The following ATP13A4 variants were observed in gnomAD, a reference collection of about 807,000 sequenced individuals.
ATP13A4 encodes ATPase 13A4.
ATP13A4 carries 114 observed loss-of-function variants against 142.5 expected under a neutral mutation model. The observed-to-expected ratio is 0.80, with a 90% CI of 0.69 to 0.93. The LOEUF (loss-of-function observed/expected upper bound fraction) is 0.93. Ranked by LOEUF, ATP13A4 falls within the 40% of genes least tolerant of loss-of-function variation. The pLI, the probability that ATP13A4 is intolerant of heterozygous loss-of-function variation, is 0.00. For missense variants in ATP13A4, 1,392 were observed against 1,454.0 expected, an observed-to-expected ratio of 0.96 and a Z score of 0.69; for synonymous variants, 488 against 514.8, an observed-to-expected ratio of 0.95 and a Z score of 0.70.
rs751196501 is a variant in ATP13A4 at position 193,407,281 on chromosome 3, C to T, written c.3378+32G>A. The T allele has an allele frequency of 5.3e-5, 84 of 1,570,190 alleles. 1 individual carries two copies. The Middle Eastern group carries it at 1.0e-3, about 19-fold the overall frequency. On this transcript the variant is annotated intron_variant, in intron 29 of 29. Coordinates refer to ENST00000342695, the MANE Select transcript of ATP13A4 (RefSeq NM_032279.4). ...CCCTACACACATGCGTGCACACACA[C>T]AAGATCAGCAGCCCAAGATCAGCAC...
At chr3:193,410,696 G>A (rs901204936) in intron 28 of ATP13A4, among the ~76,000 whole-genome samples, 2 of 152,148 alleles carry the variant, frequency 1.3e-5, no homozygotes, top group South Asian at 2.1e-4. Context: ...TCCAGACTGG[G>A]CAACAAAGTG....
Position 193,465,093 on chromosome 3 carries a change from G to A in ATP13A4, c.1308C>T (p.Asp436=), listed in dbSNP as rs764540287. ...PPEEVVRKAL[D]VITIAVPPAL... ...CCGGAGGAACCGCAATTGTGATGAC[G>A]TCAAGGGCTTTCCTCACCACCTCCT... Residue 436 remains aspartate, a synonymous_variant, in exon 12 of 30, where the codon GAC becomes GAT. Transcript: ENST00000342695. The A allele has an allele frequency of 9.3e-6, 15 of 1,614,098 alleles. No homozygotes were observed. The highest frequency in any genetic ancestry group is 4.5e-5 in the East Asian group (2 of 44,884).
At chr3:193,505,118 T>C (rs1720787379) in intron 2 of ATP13A4, among the ~76,000 whole-genome samples, 1 of 152,178 alleles carries the variant, frequency 6.6e-6, no homozygotes, top group Non-Finnish European at 1.5e-5. Context: ...ATTCCAAATC[T>C]TGGTCCCTTC....
chr3:193,476,506 G>A (rs1271050376), intron 8 of ATP13A4, among the ~76,000 whole-genome samples: 2 of 152,040 alleles, frequency 1.3e-5, no homozygotes, highest in Non-Finnish European at 2.9e-5. Flanking sequence ...GATCATTTGT[G>A]TGTTCACTTC....
At chr3:193,450,290 C>A (rs1717203245) in intron 17 of ATP13A4, among the ~76,000 whole-genome samples, 1 of 152,178 alleles carries the variant, frequency 6.6e-6, no homozygotes, top group South Asian at 2.1e-4. Flanking sequence ...TGCTCAACAC[C>A]ACTCATGCGG....
intron 24 of ATP13A4, 69 bp downstream of exon 24, chr3:193,435,579 T>A: frequency 1.6e-6 from 2 of 1,223,896 alleles, no homozygotes; most frequent in Admixed American, 3.4e-5. Context: ...TGAGAGGCAT[T>A]GTAAATTGAG....
rs756917080 is a variant in ATP13A4, at chr3:193,400,527, T to G, written c.*2125A>C. 6.6e-6 allele frequency among the ~76,000 whole-genome samples: 1 copy of G among 152,242 alleles called. No individual in the cohort carries two copies. Among genetic ancestry groups the G allele is most frequent in the African/African-American group, 2.4e-5 (1 of 41,472 alleles). ...AGCAAAGGGTTGCCCATTCTTTGCTTGACTGTGAGATCACACTAAGCAACC... is the reference window on the plus strand; with the variant it reads ...AGCAAAGGGTTGCCCATTCTTTGCTGGACTGTGAGATCACACTAAGCAACC... On this transcript the variant is annotated 3_prime_UTR_variant, in exon 30 of 30. Transcript: ENST00000342695.
At chr3:193,523,304 C>CA (rs79970405) in intron 1 of ATP13A4, among the ~76,000 whole-genome samples, 1,888 of 135,008 alleles carry the variant, frequency 0.014, 37 homozygotes, top group African/African-American at 0.044. Context: ...AACTCCGTCT[C>CA]AAAAAAAAAA....
rs1715123110 is a variant in ATP13A4 at position 193,417,453 on chromosome 3, G to C, written c.2843-2703C>G. On this transcript the variant is annotated intron_variant, in intron 25 of 29. Coordinates refer to ENST00000342695, the MANE Select transcript of ATP13A4 (RefSeq NM_032279.4). Reference sequence around the variant, plus strand: ...TAAAAGGGGAGATAACGCTGCAAAGGAGCAGTTGTTTTCATGCTATTAAAG... The same window carrying C: ...TAAAAGGGGAGATAACGCTGCAAAGCAGCAGTTGTTTTCATGCTATTAAAG... Among the ~76,000 whole-genome samples, 4 of 152,176 alleles carry C rather than the reference G, an allele frequency of 2.6e-5. No individual in the cohort carries two copies. In the South Asian group the frequency reaches 8.3e-4, roughly 32 times the overall value.
intron 1 of ATP13A4, among the ~76,000 whole-genome samples, chr3:193,588,066 G>A (rs1228203417): frequency 1.3e-5 from 2 of 152,094 alleles, no homozygotes; most frequent in African/African-American, 2.4e-5. Flanking sequence ...CCAGGAGTTC[G>A]AGGCTGCAGT....
rs77087344 is a variant in ATP13A4 at position 193,421,356 on chromosome 3, G to C, written c.2843-6606C>G. On this transcript the variant is annotated intron_variant, in intron 25 of 29. Transcript: ENST00000342695. ...GAAGTGAAGGAGAAATAAAGTCCTA[G>C]ACAAGCAGAAGTTGAGAGAATTCAT... Among the ~76,000 whole-genome samples the C allele has an allele frequency of 2.8e-3, 418 of 149,504 alleles. 20 individuals are homozygous for C. Among genetic ancestry groups the C allele is most frequent in the African/African-American group, 9.0e-3 (366 of 40,756 alleles).
In ATP13A4 at chr3:193,438,023, G is replaced by A. The variant is rs140070480; in HGVS notation, c.2672+452C>T. Among the ~76,000 whole-genome samples, 221 of 151,984 alleles carry A rather than the reference G, an allele frequency of 1.5e-3. 2 individuals are homozygous for A. The highest frequency in any genetic ancestry group is 4.9e-3 in the African/African-American group (202 of 41,446). ...ATTTTTTGGTATTTTTAGTAGAAAC[G>A]GCGTTTCACCATGTTAGCCAGGATG... On this transcript the variant is annotated intron_variant, in intron 23 of 29. Coordinates refer to ENST00000342695, the MANE Select transcript of ATP13A4 (RefSeq NM_032279.4).
chr3:193,541,050 G>T (rs994009064), intron 1 of ATP13A4, among the ~76,000 whole-genome samples: 5 of 151,734 alleles, frequency 3.3e-5, no homozygotes, highest in Admixed American at 6.6e-5. Flanking sequence ...GAGATCGAGA[G>T]CATCCTGGCT....
chr3:193,455,569 C>T (rs1209482542), intron 16 of ATP13A4, among the ~76,000 whole-genome samples: 1 of 152,128 alleles, frequency 6.6e-6, no homozygotes, highest in Non-Finnish European at 1.5e-5. Context: ...GAAAGAAGTG[C>T]TTATACACTG....
intron 3 of ATP13A4, among the ~76,000 whole-genome samples, chr3:193,497,507 C>G (rs1350956600): frequency 2.0e-5 from 3 of 152,106 alleles, no homozygotes; most frequent in Admixed American, 2.0e-4. Flanking sequence ...AAACAGTATA[C>G]AGGTTCCTTA....
At position 193,406,104 on chromosome 3, in the gene ATP13A4, T is replaced by C. The variant is rs74804915; in HGVS notation, c.3378+1209A>G. Among the ~76,000 whole-genome samples the C allele has an allele frequency of 4.3e-3, 659 of 152,322 alleles. 3 individuals carry two copies. The highest frequency in any genetic ancestry group is 0.015 in the African/African-American group (641 of 41,572). On this transcript the variant is annotated intron_variant, in intron 29 of 29. Coordinates refer to ENST00000342695, the MANE Select transcript of ATP13A4 (RefSeq NM_032279.4). The stretch of plus-strand genomic sequence containing the variant: ...TTAGAAATGCTAACTTTTGCACTTC[T>C]TCCAGGCCTACTGAATCAGACACAC...
chr3:193,470,811 G>A, intron 9 of ATP13A4, 48 bp downstream of exon 9: 2 of 1,612,116 alleles, frequency 1.2e-6, no homozygotes, highest in Non-Finnish European at 1.7e-6. Flanking sequence ...GCAGCGTGGA[G>A]TGTGGGCCAG....
At chr3:193,571,287 A>AAAAAAAAAAAAAAAAAAAAAAAT (rs1724260248) in intron 2 of ATP13A4, among the ~76,000 whole-genome samples, 1 of 151,742 alleles carries the variant, frequency 6.6e-6, no homozygotes, top group Non-Finnish European at 1.5e-5. Context: ...TCAAAAAAAA[A>AAAAAAAAAAAAAAAAAAAAAAAT]AAAAGAAATA....
Position 193,554,831 on chromosome 3 carries a change from T to C in ATP13A4, c.-32A>G. 1.2e-6 allele frequency: 2 copies of C among 1,613,890 alleles called. No individual in the cohort carries two copies. Among genetic ancestry groups the C allele is most frequent in the Non-Finnish European group, 1.7e-6 (2 of 1,180,002 alleles). ...GTTATTCCACACCTCCTCCCTGACC[T>C]TGTCGTGCAGACGCTTCCAGGATGA... On this transcript the variant is annotated 5_prime_UTR_variant, in exon 1 of 30. Coordinates refer to ENST00000342695, the MANE Select transcript of ATP13A4 (RefSeq NM_032279.4).
Sources: allele counts gnomAD v4.1 joint callset (sites outside exome capture counted in the v4.1 genomes callset), GRCh38; gene constraint gnomAD v4.1.1; transcripts MANE v1.5; gene names NCBI Gene and HGNC (gene_info 2026-07-23, HGNC 2026-07-21).